The following PCDHGA5 variants were observed in gnomAD, a reference collection of about 807,000 sequenced individuals.
The protein encoded by PCDHGA5 is protocadherin gamma subfamily A, 5.
In PCDHGA5, 36 loss-of-function variants were observed where a neutral mutation model predicts 56.7. The ratio of observed to expected loss-of-function variants is 0.64; its 90% CI spans 0.49 to 0.84. The LOEUF is 0.84. Among genes scored for constraint, PCDHGA5 ranks in the 40% least tolerant of loss-of-function variants. PCDHGA5 has a pLI of 0.00. For synonymous variants in PCDHGA5, 563 were observed against 520.2 expected (o/e 1.08, Z -1.12); for missense variants, 1,305 against 1,201.5 (o/e 1.09, Z -1.27).
At chr5:141,375,313 A>C in intron 1 of PCDHGA5, 1 of 1,613,824 alleles carries the variant, frequency 6.2e-7, no homozygotes, top group Non-Finnish European at 8.5e-7. Context: ...ATGCAGCTCT[A>C]GACCGGGAAG....
At chr5:141,388,721 C>A (rs373386803) in intron 1 of PCDHGA5, 33 of 1,613,884 alleles carry the variant, frequency 2.0e-5, no homozygotes, top group Non-Finnish European at 2.7e-5. Context: ...AGATTACTTT[C>A]TCTTTCAGTG....
chr5:141,408,846 TGGACGGA>T, intron 1 of PCDHGA5: 1 of 1,613,698 alleles, frequency 6.2e-7, no homozygotes, highest in Non-Finnish European at 8.5e-7. Flanking sequence ...TTGACTGCCT[TGGACGGA>T]GGGGACCCAC....
chr5:141,413,400 G>A (rs1328176117), intron 1 of PCDHGA5: 4 of 1,614,060 alleles, frequency 2.5e-6, no homozygotes, highest in Non-Finnish European at 2.5e-6. Context: ...CCAGAGGTAG[G>A]ACGCAGCTTT....
intron 1 of PCDHGA5, among the ~76,000 whole-genome samples, chr5:141,480,259 G>A (rs1285833242): frequency 2.0e-5 from 3 of 151,174 alleles, no homozygotes; most frequent in African/African-American, 7.3e-5. Flanking sequence ...AAAAAAATGT[G>A]TTTTCATTAG....
intron 1 of PCDHGA5, among the ~76,000 whole-genome samples, chr5:141,484,207 A>G (rs898823095): frequency 2.6e-5 from 4 of 152,218 alleles, no homozygotes; most frequent in Non-Finnish European, 5.9e-5. Context: ...ATCTATGAAC[A>G]TTAGCATTCT....
chr5:141,450,645 C>T (rs2098688869), intron 1 of PCDHGA5, among the ~76,000 whole-genome samples: 2 of 151,618 alleles, frequency 1.3e-5, no homozygotes, highest in Non-Finnish European at 2.9e-5. Context: ...TGCCACCATG[C>T]CTGGCTAATT....
At chr5:141,410,351 C>G in intron 1 of PCDHGA5, 1 of 1,614,066 alleles carries the variant, frequency 6.2e-7, no homozygotes. Flanking sequence ...GCGCCTGCGA[C>G]GCTCTCTCAG....
chr5:141,417,824 G>A (rs2096165363), intron 1 of PCDHGA5: 4 of 1,518,120 alleles, frequency 2.6e-6, no homozygotes, highest in Non-Finnish European at 3.5e-6. Context: ...TTCTCCAACT[G>A]GAAAAGCGGG....
intron 1 of PCDHGA5, among the ~76,000 whole-genome samples, chr5:141,469,436 G>T (rs556417221): frequency 6.6e-6 from 1 of 152,002 alleles, no homozygotes; most frequent in Non-Finnish European, 1.5e-5. Flanking sequence ...TTAGCTGGGC[G>T]TGGTGGTGCA....
rs537334679 is a variant in PCDHGA5 at position 141,413,479 on chromosome 5, C to G, written c.2421+46728C>G. ...GATAGACCGGGAGGAGCTCTGCGCTCAGAGCGCGCGGTGCGTGGTGAGTTT... is the reference window on the plus strand; with the variant it reads ...GATAGACCGGGAGGAGCTCTGCGCTGAGAGCGCGCGGTGCGTGGTGAGTTT... On this transcript the variant is annotated intron_variant, in intron 1 of 3. Coordinates refer to ENST00000518069, the MANE Select transcript of PCDHGA5 (RefSeq NM_018918.3). 4.3e-6 allele frequency: 7 copies of G among 1,614,084 alleles called. No individual in the cohort carries two copies. In the African/African-American group the frequency reaches 6.7e-5, roughly 15 times the overall value.
Position 141,477,283 on chromosome 5 carries a change from C to T in PCDHGA5, c.2422-17524C>T, listed in dbSNP as rs766672047. The T allele has an allele frequency of 9.3e-6, 15 of 1,614,076 alleles. No homozygotes were observed. The highest frequency in any genetic ancestry group is 2.7e-5 in the African/African-American group (2 of 74,924). On this transcript the variant is annotated intron_variant, in intron 1 of 3. Coordinates refer to ENST00000518069, the MANE Select transcript of PCDHGA5 (RefSeq NM_018918.3). The surrounding 1 kb of genome is among the most constrained non-coding windows in gnomAD (Gnocchi z 4.9). ...CTGGCGAGAACGGGCTGGTGACCTG[C>T]GAAGTTCCACCGGGTCTCCCTTTCA... is the stretch of plus-strand genomic sequence containing the variant.
chr5:141,414,000 A>C (rs759228883), intron 1 of PCDHGA5: 20 of 1,613,400 alleles, frequency 1.2e-5, no homozygotes, highest in Non-Finnish European at 1.6e-5. Flanking sequence ...ACAGGGACGA[A>C]GGTGCCAATG....
Position 141,485,208 on chromosome 5 carries a change from G to T in PCDHGA5, c.2422-9599G>T, listed in dbSNP as rs2099609377. On this transcript the variant is annotated intron_variant, in intron 1 of 3. Coordinates refer to ENST00000518069, the MANE Select transcript of PCDHGA5 (RefSeq NM_018918.3). This position sits in a 1 kb window ranked among gnomAD's most constrained non-coding sequence, Gnocchi z 5.7. ...AAGGTGAGAAGCTGGACAGAAATCT[G>T]GCGGTGGGCTACCCTTTTGTTCCTC... The T allele has an allele frequency of 6.2e-7, 1 of 1,613,998 alleles. No homozygotes were observed. The highest frequency in any genetic ancestry group is 1.3e-5 in the African/African-American group (1 of 74,930).
intron 1 of PCDHGA5, chr5:141,413,423 C>A (rs770419729): frequency 6.2e-7 from 1 of 1,614,078 alleles, no homozygotes; most frequent in Non-Finnish European, 8.5e-7. Flanking sequence ...TCTCTGAACC[C>A]GCGCAGCGGC....
intron 1 of PCDHGA5, chr5:141,441,470 C>G (rs1170727138): frequency 5.9e-6 from 1 of 168,868 alleles, no homozygotes; most frequent in East Asian, 1.9e-4. Context: ...ATTGGCGATG[C>G]CAACGACAAT....
chr5:141,386,595 A>ATT lies in PCDHGA5; in HGVS notation c.2421+19855_2421+19856dup, dbSNP rs373179212. On this transcript the variant is annotated intron_variant, in intron 1 of 3. Transcript: ENST00000518069. Reference sequence around the variant, plus strand: ...CTCTGTACAATAGTGTGGGGGATACATTTTTTTTTTTTGACATGGAGTCTC... The same window carrying ATT: ...CTCTGTACAATAGTGTGGGGGATACATTTTTTTTTTTTTTGACATGGAGTCTC... 4.8e-5 allele frequency among the ~76,000 whole-genome samples: 7 copies of ATT among 146,172 alleles called. No individual in the cohort carries two copies. The East Asian group carries it at 9.9e-4, about 21-fold the overall frequency.
chr5:141,371,466 GA>G (rs756224078), intron 1 of PCDHGA5: 1 of 1,613,980 alleles, frequency 6.2e-7, no homozygotes, highest in Non-Finnish European at 8.5e-7. Context: ...ACATATACAA[GA>G]AGATGCTGAG....
At position 141,476,011 on chromosome 5, in the gene PCDHGA5, A is replaced by C. The variant is rs1415142555; in HGVS notation, c.2422-18796A>C. On this transcript the variant is annotated intron_variant, in intron 1 of 3. Coordinates refer to ENST00000518069, the MANE Select transcript of PCDHGA5 (RefSeq NM_018918.3). This position sits in a 1 kb window ranked among gnomAD's most constrained non-coding sequence, Gnocchi z 7.6. The stretch of plus-strand genomic sequence containing the variant: ...GCAAATCAACGGCATCCAGAAAGCC[A>C]TGTCGGACTCGGCGCCCAGCGCCCA... 2.3e-6 allele frequency: 3 copies of C among 1,311,164 alleles called. No homozygotes were observed. Among genetic ancestry groups the C allele is most frequent in the African/African-American group, 1.5e-5 (1 of 68,020 alleles). 81.2% of individuals were successfully genotyped at this position (1,311,164 alleles called of 1,614,324 possible).
chr5:141,409,304 C>T, intron 1 of PCDHGA5: 2 of 1,613,954 alleles, frequency 1.2e-6, no homozygotes, highest in Non-Finnish European at 1.7e-6. Flanking sequence ...GGTTGTTGCC[C>T]TCTTCAAAAC....
Sources: gnomAD v4.1 joint callset for allele counts (sites outside exome capture counted in the v4.1 genomes callset) on GRCh38, gnomAD v4.1.1 for gene constraint, Gnocchi (gnomAD v3.1) non-coding constraint, MANE v1.5 for transcripts, NCBI Gene and HGNC (gene_info 2026-07-23, HGNC 2026-07-21) for gene names.